Variants in ST6GAL1 observed in about 807,000 individuals in gnomAD.
ST6GAL1 encodes beta-galactoside alpha-2,6-sialyltransferase 1.
ST6GAL1 carries 20 observed loss-of-function variants against 38.0 expected under a neutral mutation model. The observed-to-expected ratio is 0.53, with a 90% CI of 0.37 to 0.77. The LOEUF is 0.77. ST6GAL1 is among the 30% of genes least tolerant of loss of function. The pLI is 0.00. For synonymous variants in ST6GAL1, 196 were observed against 188.2 expected (o/e 1.04, Z -0.34); for missense variants, 432 against 496.4 (o/e 0.87, Z 1.23).
chr3:186,986,855 A>C (rs1249161617), intron 2 of ST6GAL1: 1 of 152,208 alleles, frequency 6.6e-6, no homozygotes, highest in Non-Finnish European at 1.5e-5. Flanking sequence ...ACTTGAATTT[A>C]AATGATCTAA....
At chr3:186,959,490 A>G (rs1272642021) in intron 1 of ST6GAL1, among the ~76,000 whole-genome samples, 1 of 152,222 alleles carries the variant, frequency 6.6e-6, no homozygotes, top group Non-Finnish European at 1.5e-5. Flanking sequence ...TAGTACATAA[A>G]GCACCTGGCA....
chr3:187,035,477 G>T (rs925166968), intron 2 of ST6GAL1, among the ~76,000 whole-genome samples: 1 of 152,108 alleles, frequency 6.6e-6, no homozygotes, highest in Non-Finnish European at 1.5e-5. Flanking sequence ...CAAACTCAGA[G>T]GCATTCCAGT....
intron 4 of ST6GAL1, among the ~76,000 whole-genome samples, chr3:187,048,150 A>C (rs577287471): frequency 1.3e-5 from 2 of 151,982 alleles, no homozygotes; most frequent in Non-Finnish European, 1.5e-5. Flanking sequence ...TCACTGTGTT[A>C]GCCAGGATGG....
intron 2 of ST6GAL1, among the ~76,000 whole-genome samples, chr3:187,015,917 T>C (rs1349639128): frequency 6.6e-6 from 1 of 152,228 alleles, no homozygotes; most frequent in Non-Finnish European, 1.5e-5. Context: ...GGCCCTGCCA[T>C]TTACTAGCAG....
intron 1 of ST6GAL1, among the ~76,000 whole-genome samples, chr3:186,963,178 T>A (rs1714988316): frequency 1.3e-5 from 2 of 152,306 alleles, no homozygotes; most frequent in African/African-American, 4.8e-5. Context: ...AAATTTAGGA[T>A]CAGTTAAAAA....
intron 1 of ST6GAL1, among the ~76,000 whole-genome samples, chr3:186,940,288 G>T (rs73187743): frequency 0.04 from 6,023 of 150,692 alleles, 192 homozygotes; most frequent in East Asian, 0.11. Context: ...AAATGAAATG[G>T]TTTTTTTTTT....
chr3:186,933,601 C>T (rs1174792878), intron 1 of ST6GAL1, among the ~76,000 whole-genome samples: 3 of 152,246 alleles, frequency 2.0e-5, no homozygotes, highest in Admixed American at 2.0e-4. Context: ...CACCAGGACG[C>T]TGACCCTGTA....
chr3:187,052,544 G>A (rs998141753), intron 5 of ST6GAL1, among the ~76,000 whole-genome samples: 3 of 152,086 alleles, frequency 2.0e-5, no homozygotes, highest in South Asian at 2.1e-4. Flanking sequence ...GAGAACATGC[G>A]GTGTTTGGTT....
intron 2 of ST6GAL1, among the ~76,000 whole-genome samples, chr3:186,972,195 C>G (rs952807727): frequency 2.0e-5 from 3 of 151,996 alleles, no homozygotes; most frequent in African/African-American, 7.2e-5. Context: ...GGGAGTAGGA[C>G]ACCCAGGTCT....
chr3:186,977,573 G>GATCCTACAGA (rs1286474172), intron 2 of ST6GAL1, among the ~76,000 whole-genome samples: 6 of 152,160 alleles, frequency 3.9e-5, no homozygotes, highest in Non-Finnish European at 1.5e-5. Flanking sequence ...TGGGAAATAT[G>GATCCTACAGA]ATCCTACAGA....
At chr3:186,990,358 G>A (rs1716118258) in intron 2 of ST6GAL1, among the ~76,000 whole-genome samples, 1 of 152,146 alleles carries the variant, frequency 6.6e-6, no homozygotes, top group Non-Finnish European at 1.5e-5. Flanking sequence ...TCTATCTATT[G>A]AATGCAGGTG....
intron 2 of ST6GAL1, among the ~76,000 whole-genome samples, chr3:187,011,433 A>AT (rs1355867706): frequency 2.0e-5 from 3 of 152,166 alleles, no homozygotes; most frequent in South Asian, 2.1e-4. Context: ...TGACCCTCAG[A>AT]TTTTTTACTG....
At chr3:187,065,987 G>A (rs1489213556) in intron 5 of ST6GAL1, among the ~76,000 whole-genome samples, 2 of 152,050 alleles carry the variant, frequency 1.3e-5, no homozygotes, top group African/African-American at 2.4e-5. Flanking sequence ...CTAGGTGTTT[G>A]CCACCAGCAC....
chr3:186,981,863 C>T (rs1227639670), intron 2 of ST6GAL1, among the ~76,000 whole-genome samples: 2 of 152,188 alleles, frequency 1.3e-5, no homozygotes, highest in Non-Finnish European at 2.9e-5. Context: ...AATGACCACC[C>T]TTGAATACCT....
At chr3:187,038,358 A>G (rs953808466) in intron 2 of ST6GAL1, 1 of 151,782 alleles carries the variant, frequency 6.6e-6, no homozygotes, top group Non-Finnish European at 1.5e-5. Flanking sequence ...GGTGTGCGCC[A>G]TCATGCCTGG....
intron 1 of ST6GAL1, among the ~76,000 whole-genome samples, chr3:186,946,853 T>G (rs1041432990): frequency 4.0e-5 from 6 of 151,540 alleles, no homozygotes; most frequent in Non-Finnish European, 2.9e-5. Flanking sequence ...ATGAACACTG[T>G]GGGGGATTTG....
At chr3:187,000,549 C>G (rs774034566) in intron 2 of ST6GAL1, among the ~76,000 whole-genome samples, 1 of 152,004 alleles carries the variant, frequency 6.6e-6, no homozygotes, top group East Asian at 1.9e-4. Flanking sequence ...GTGACAAGAT[C>G]GAGACTCTGG....
At chr3:186,986,430 G>C (rs1043311832) in intron 2 of ST6GAL1, 1 of 152,668 alleles carries the variant, frequency 6.6e-6, no homozygotes, top group African/African-American at 2.4e-5. Context: ...ATTTAGACAG[G>C]TCCCTGTATC....
intron 2 of ST6GAL1, among the ~76,000 whole-genome samples, chr3:187,034,357 A>T (rs1484597922): frequency 6.6e-6 from 1 of 152,178 alleles, no homozygotes; most frequent in East Asian, 1.9e-4. Context: ...TCCTACTGAA[A>T]TTATTCCAAA....
Sources: gnomAD v4.1 joint callset for allele counts (sites outside exome capture counted in the v4.1 genomes callset) on GRCh38, gnomAD v4.1.1 for gene constraint, MANE v1.5 for transcripts, NCBI Gene and HGNC (gene_info 2026-07-23, HGNC 2026-07-21) for gene names.